PACRGL: variants seen among roughly 807,000 people sequenced by gnomAD.
PACRGL encodes PACRG-like protein.
A neutral mutation model predicts 34.5 loss-of-function variants in PACRGL; 38 were observed. The observed-to-expected ratio is 1.10, with a 90% CI of 0.85 to 1.44. The LOEUF (loss-of-function observed/expected upper bound fraction) is 1.44. PACRGL is among the 40% of genes most tolerant of loss of function. The pLI, the probability that PACRGL is intolerant of heterozygous loss-of-function variation, is 0.00. For missense variants in PACRGL, 305 were observed against 281.4 expected (o/e 1.08, Z -0.60); for synonymous variants, 128 against 100.1 (o/e 1.28, Z -1.66).
intron 1 of PACRGL, chr4:20,701,542 C>T (rs1732173002): frequency 9.5e-6 from 2 of 211,486 alleles, no homozygotes; most frequent in South Asian, 1.5e-4. Context: ...CATCACTGCC[C>T]CTTTACACCA....
chr4:20,725,623 G>A (rs1745320321), intron 8 of PACRGL, among the ~76,000 whole-genome samples: 2 of 151,964 alleles, frequency 1.3e-5, no homozygotes, highest in African/African-American at 4.8e-5. Context: ...TCTTAACATT[G>A]TATAACTTAG....
chr4:20,726,983 C>T (rs924419637), intron 8 of PACRGL, among the ~76,000 whole-genome samples: 23 of 151,950 alleles, frequency 1.5e-4, no homozygotes, highest in African/African-American at 5.3e-4. Flanking sequence ...CTAAAGATCA[C>T]GGAACTTAGG....
downstream of PACRGL, chr4:20,753,032 G>T (rs1160430886): frequency 6.6e-6 from 1 of 152,142 alleles, no homozygotes; most frequent in African/African-American, 2.4e-5. Context: ...TACTGAGTTT[G>T]TTAAGCTGGG....
the PACRGL span, among the ~76,000 whole-genome samples, chr4:20,764,204 A>T: frequency 2.0e-5 from 3 of 152,162 alleles, no homozygotes; most frequent in African/African-American, 7.2e-5. Flanking sequence ...AAATTAAAGA[A>T]AATGAAAATC....
At chr4:20,758,972 C>T in the PACRGL span, 42 of 1,054,406 alleles carry the variant, frequency 4.0e-5, no homozygotes, top group Non-Finnish European at 5.9e-5. Context: ...ACAGAACTGT[C>T]TACCATGCAA....
At position 20,729,815 on chromosome 4, in the gene PACRGL, A is replaced by G. The variant is rs1747482248; in HGVS notation, c.*2474A>G. 1 of 342,310 alleles carries G rather than the reference A, an allele frequency of 2.9e-6. No homozygotes were observed. Among genetic ancestry groups the G allele is most frequent in the Non-Finnish European group, 5.3e-6 (1 of 189,892 alleles). 21.2% of individuals were successfully genotyped at this position (342,310 alleles called of 1,614,324 possible). On this transcript the variant is annotated 3_prime_UTR_variant, in exon 9 of 9. Coordinates refer to ENST00000503585, the MANE Select transcript of PACRGL (RefSeq NM_001258345.3). ...CCATGGCTAAGGAACCAATAAAACT[A>G]TATGCCAGATTCTATTACTTTTGAA...
chr4:20,746,454 T>C (rs991610952), intron 8 of PACRGL, among the ~76,000 whole-genome samples: 6 of 152,032 alleles, frequency 3.9e-5, no homozygotes, highest in African/African-American at 1.4e-4. Flanking sequence ...CAAACCACCA[T>C]GGCACGTGTA....
At chr4:20,722,652 C>G (rs1195523407) in intron 7 of PACRGL, among the ~76,000 whole-genome samples, 1 of 152,168 alleles carries the variant, frequency 6.6e-6, no homozygotes, top group Non-Finnish European at 1.5e-5. Context: ...AGAAATCGAG[C>G]TAATACCCTG....
the PACRGL span, among the ~76,000 whole-genome samples, chr4:20,762,321 A>G: frequency 5.9e-4 from 90 of 152,302 alleles, no homozygotes; most frequent in Non-Finnish European, 1.2e-3. Flanking sequence ...TCCTAATACT[A>G]TCACATTGGG....
intron 7 of PACRGL, among the ~76,000 whole-genome samples, chr4:20,717,377 C>G (rs1040438592): frequency 2.6e-5 from 4 of 152,266 alleles, no homozygotes; most frequent in Admixed American, 1.3e-4. Context: ...GTTGCCATTG[C>G]TTTTTGTGTT....
intron 7 of PACRGL, among the ~76,000 whole-genome samples, chr4:20,717,217 T>C (rs1740543787): frequency 6.6e-6 from 1 of 152,240 alleles, no homozygotes; most frequent in Non-Finnish European, 1.5e-5. Context: ...GAGTTCTTTG[T>C]GGATTCTGGA....
chr4:20,753,512 A>G (rs1418697431), downstream of PACRGL, among the ~76,000 whole-genome samples: 1 of 152,206 alleles, frequency 6.6e-6, no homozygotes, highest in Non-Finnish European at 1.5e-5. Flanking sequence ...ATAGTATTTG[A>G]ACAAACACAC....
chr4:20,752,959 A>G (rs1448141800), downstream of PACRGL: 5 of 152,340 alleles, frequency 3.3e-5, no homozygotes, highest in Non-Finnish European at 2.9e-5. Context: ...AGATATAACA[A>G]TGATCTCCCT....
intron 7 of PACRGL, among the ~76,000 whole-genome samples, chr4:20,721,800 C>T (rs555230727): frequency 3.4e-4 from 52 of 152,188 alleles, no homozygotes; most frequent in Non-Finnish European, 6.3e-4. Context: ...GCAGTCTGTC[C>T]GTTCTCAGAT....
intron 8 of PACRGL, 23 bp downstream of exon 8, chr4:20,724,911 A>T: frequency 7.7e-7 from 1 of 1,296,508 alleles, no homozygotes; most frequent in Non-Finnish European, 9.9e-7. Flanking sequence ...TTATTCCTTA[A>T]GTCTTTTTTT....
In PACRGL at chr4:20,728,411, A is replaced by G. The variant is rs1027732839; in HGVS notation, c.*1070A>G. 6.6e-6 allele frequency: 1 copy of G among 152,220 alleles called. No homozygotes were observed. Among genetic ancestry groups the G allele is most frequent in the African/African-American group, 2.4e-5 (1 of 41,456 alleles). 9.4% of individuals were successfully genotyped at this position (152,220 alleles called of 1,614,324 possible). On this transcript the variant is annotated 3_prime_UTR_variant, in exon 9 of 9. Transcript: ENST00000503585. ...GCAATTTTTAAGAAGCTTTTAAAAT[A>G]TAATATAGACATAGTTCAGAATTTT...
At chr4:20,748,609 A>G (rs1192920610) in intron 8 of PACRGL, among the ~76,000 whole-genome samples, 1 of 137,590 alleles carries the variant, frequency 7.3e-6, no homozygotes, top group Non-Finnish European at 1.6e-5. Context: ...TATATATTCC[A>G]TAAGTAAATA....
rs760202064 is a variant in PACRGL, at chr4:20,713,540, G to GT, written c.609+2dup. 1.2e-5 allele frequency: 19 copies of GT among 1,596,912 alleles called. No homozygotes were observed. The highest frequency in any genetic ancestry group is 3.3e-5 in the South Asian group (3 of 90,714). ...CCATCTGAAGCATCTGCTTACAAGC[G>GT]TAAGTACTGCAAAGATTAGATAATG... On this transcript the variant is annotated splice_donor_variant, in intron 7 of 8. Coordinates refer to ENST00000503585, the MANE Select transcript of PACRGL (RefSeq NM_001258345.3). LOFTEE classifies it high-confidence loss of function.
chr4:20,726,165 G>GA (rs1313417856), intron 8 of PACRGL, among the ~76,000 whole-genome samples: 2 of 152,016 alleles, frequency 1.3e-5, no homozygotes, highest in African/African-American at 2.4e-5. Context: ...GGTGGGAGTG[G>GA]AGGGGGTGTG....
Sources: allele counts gnomAD v4.1 joint callset (sites outside exome capture counted in the v4.1 genomes callset), GRCh38; gene constraint gnomAD v4.1.1; transcripts MANE v1.5; gene names NCBI Gene and HGNC (gene_info 2026-07-23, HGNC 2026-07-21).